CCDC85C: variants seen among roughly 807,000 people sequenced by gnomAD.
CCDC85C encodes the protein coiled-coil domain-containing protein 85C.
A neutral mutation model predicts 38.3 loss-of-function variants in CCDC85C; 18 were observed. The observed-to-expected ratio is 0.47, with a 90% CI of 0.33 to 0.70. The LOEUF (loss-of-function observed/expected upper bound fraction) is 0.70, where lower values mean the gene tolerates loss of function less well. Ranked by LOEUF, CCDC85C falls within the 30% of genes least tolerant of loss-of-function variation. The pLI, the probability that CCDC85C is intolerant of heterozygous loss-of-function variation, is 0.03. For synonymous variants in CCDC85C, 264 were observed against 293.8 expected (o/e 0.90, Z 1.04); for missense variants, 566 against 621.2 (o/e 0.91, Z 0.94).
intron 1 of CCDC85C, among the ~76,000 whole-genome samples, chr14:99,597,410 T>C (rs950355548): frequency 6.6e-6 from 1 of 152,094 alleles, no homozygotes; most frequent in East Asian, 1.9e-4. Context: ...GTGGGGCGTG[T>C]CTTAGAACCC....
In CCDC85C at chr14:99,501,603, C is replaced by T. The variant is rs1194526385; in HGVS notation, c.*13643G>A. 1 of 574,524 alleles carries T rather than the reference C, an allele frequency of 1.7e-6. No homozygotes were observed. Among genetic ancestry groups the T allele is most frequent in the Non-Finnish European group, 3.1e-6 (1 of 326,456 alleles). 35.6% of individuals were successfully genotyped at this position (574,524 alleles called of 1,614,324 possible). On this transcript the variant is annotated 3_prime_UTR_variant, in exon 6 of 6. Coordinates refer to ENST00000380243, the MANE Select transcript of CCDC85C (RefSeq NM_001144995.2). The stretch of plus-strand genomic sequence containing the variant: ...TCCCGGCAGAGGGTTTCCTTCTGCC[C>T]TGCCGTGTCATGGTGTTGTGAGGTG...
Position 99,603,465 on chromosome 14 carries a change from G to A in CCDC85C, c.495C>T (p.Ser165=). 1.6e-6 allele frequency: 2 copies of A among 1,284,392 alleles called. No homozygotes were observed. Among genetic ancestry groups the A allele is most frequent in the South Asian group, 2.6e-5 (1 of 38,216 alleles). The allele number at this position is 1,284,392 out of a possible 1,614,324, so 79.6% of individuals were successfully genotyped here. A position where few individuals can be genotyped will look rare whatever the true frequency, so the allele number is the denominator to read the frequency against. Residue 165 remains serine (S), a synonymous_variant, in exon 1 of 6, where the codon AGC becomes AGT. Coordinates refer to ENST00000380243, the MANE Select transcript of CCDC85C (RefSeq NM_001144995.2). This position sits in a 1 kb window ranked among gnomAD's most constrained non-coding sequence, Gnocchi z 7.5. The part of the protein sequence containing the change: ...RAALAATGAA[S]GGGGGGGGAG... ...CGCCGCCCCCGCCGCCGCCGCCACC[G>A]CTTGCGGCCCCCGTCGCCGCCAGTG...
chr14:99,532,482 A>G (rs1436781703), intron 2 of CCDC85C, among the ~76,000 whole-genome samples: 1 of 152,238 alleles, frequency 6.6e-6, no homozygotes, highest in African/African-American at 2.4e-5. Context: ...CCAGGGCCAC[A>G]TACATAGTAG....
At chr14:99,585,609 T>C (rs566205886) in intron 1 of CCDC85C, among the ~76,000 whole-genome samples, 27 of 152,346 alleles carry the variant, frequency 1.8e-4, no homozygotes, top group African/African-American at 6.5e-4. Flanking sequence ...CGCGTCTTGT[T>C]TGATCCTCAA....
At chr14:99,529,360 TTGTGTG>T (rs555477281) in intron 2 of CCDC85C, among the ~76,000 whole-genome samples, 4 of 151,268 alleles carry the variant, frequency 2.6e-5, no homozygotes, top group Non-Finnish European at 5.9e-5. Context: ...GTGTGCAGTT[TTGTGTG>T]TGTGTGTGTG....
rs1419909398 is a variant in CCDC85C, at chr14:99,569,763, G to A, written c.793+33404C>T. ...CATTTCAGGTGCAATGCTCCAAGGC[G>A]ACGCAGGGAGGGATCTAGACCCAGG... On this transcript the variant is annotated intron_variant, in intron 1 of 5. Transcript: ENST00000380243. The surrounding 1 kb of genome is among the most constrained non-coding windows in gnomAD (Gnocchi z 4.3). Among the ~76,000 whole-genome samples the A allele has an allele frequency of 1.3e-5, 2 of 152,144 alleles. No homozygotes were observed. Among genetic ancestry groups the A allele is most frequent in the South Asian group, 2.1e-4 (1 of 4,830 alleles).
In CCDC85C at chr14:99,555,893, G is replaced by A. The variant is rs566705052; in HGVS notation, c.794-19805C>T. 3.9e-5 allele frequency among the ~76,000 whole-genome samples: 6 copies of A among 152,326 alleles called. No homozygotes were observed. The South Asian group carries it at 1.0e-3, about 26-fold the overall frequency. ...TTCACACCCCAAGATGCACACCTCA[G>A]GTTCCCCTGATCAGACACACGTCCC... is the stretch of plus-strand genomic sequence containing the variant. On this transcript the variant is annotated intron_variant, in intron 1 of 5. Coordinates refer to ENST00000380243, the MANE Select transcript of CCDC85C (RefSeq NM_001144995.2).
At chr14:99,578,563 C>T (rs868082013) in intron 1 of CCDC85C, among the ~76,000 whole-genome samples, 1 of 152,178 alleles carries the variant, frequency 6.6e-6, no homozygotes, top group African/African-American at 2.4e-5. Context: ...ATGGCCTGTA[C>T]CTATGTCCCC....
At chr14:99,595,318 C>T (rs904144329) in intron 1 of CCDC85C, among the ~76,000 whole-genome samples, 5 of 152,154 alleles carry the variant, frequency 3.3e-5, no homozygotes, top group East Asian at 1.9e-4. Flanking sequence ...TGCAGTGGCG[C>T]GATGGCTCAC....
chr14:99,548,580 G>A lies in CCDC85C; in HGVS notation c.794-12492C>T, dbSNP rs1897849330. Among the ~76,000 whole-genome samples, 1 of 150,628 alleles carries A rather than the reference G, an allele frequency of 6.6e-6. No homozygotes were observed. Among genetic ancestry groups the A allele is most frequent in the African/African-American group, 2.4e-5 (1 of 40,916 alleles). ...AACACCAGCTGTACTAGTGAAAACT[G>A]TAAACCACCCAAATGCCCTCCCCAG... On this transcript the variant is annotated intron_variant, in intron 1 of 5. Transcript: ENST00000380243. This position sits in a 1 kb window ranked among gnomAD's most constrained non-coding sequence, Gnocchi z 4.9.
At position 99,603,728 on chromosome 14, in the gene CCDC85C, G is replaced by A; in HGVS notation, c.232C>T (p.Gln78Ter). 4 of 1,519,440 alleles carry A rather than the reference G, an allele frequency of 2.6e-6. No homozygotes were observed. The highest frequency in any genetic ancestry group is 3.5e-6 in the Non-Finnish European group (4 of 1,139,268). The allele number at this position is 1,519,440 out of a possible 1,614,324, so 94.1% of individuals were successfully genotyped here. The change falls in exon 1 of 6, where the codon CAG (glutamine) becomes TAG (stop). Residue 78 changes from glutamine (Q) to a stop codon, truncating the protein, a stop_gained. Coordinates refer to ENST00000380243, the MANE Select transcript of CCDC85C (RefSeq NM_001144995.2). LOFTEE classifies it high-confidence loss of function. This position sits in a 1 kb window ranked among gnomAD's most constrained non-coding sequence, Gnocchi z 7.5. Reference protein sequence around the residue: ...RGLKDVNQRLQDDNQELRELC... With the variant: ...RGLKDVNQRL ...TCGCGCAGCTCCTGGTTGTCGTCCTGCAGCCGCTGGTTCACGTCCTTGAGG... is the reference window on the plus strand; with the variant it reads ...TCGCGCAGCTCCTGGTTGTCGTCCTACAGCCGCTGGTTCACGTCCTTGAGG...
At chr14:99,519,279 C>CTTT (rs60431041) in intron 3 of CCDC85C, among the ~76,000 whole-genome samples, 2,343 of 122,804 alleles carry the variant, frequency 0.019, 59 homozygotes, top group Middle Eastern at 0.061. Context: ...CCATGCCCAG[C>CTTT]TTTTTTTTTT....
intron 1 of CCDC85C, among the ~76,000 whole-genome samples, chr14:99,552,378 G>T (rs1182437183): frequency 1.3e-5 from 2 of 152,224 alleles, no homozygotes; most frequent in Admixed American, 6.5e-5. Context: ...CCAGGCCCTT[G>T]CAGGGAGGGG....
rs747423527 is a variant in CCDC85C, at chr14:99,516,908, T to C, written c.1071+180A>G. ...GGATGGCAGACAGGTGACACACTTA[T>C]GACTGCCACCTCTGAGTTCAACCTC... On this transcript the variant is annotated intron_variant, in intron 4 of 5. Coordinates refer to ENST00000380243, the MANE Select transcript of CCDC85C (RefSeq NM_001144995.2). This position sits in a 1 kb window ranked among gnomAD's most constrained non-coding sequence, Gnocchi z 5.5. 3.7e-4 allele frequency among the ~76,000 whole-genome samples: 56 copies of C among 152,270 alleles called. No homozygotes were observed. Among genetic ancestry groups the C allele is most frequent in the African/African-American group, 1.3e-3 (54 of 41,534 alleles).
In CCDC85C at chr14:99,520,255, G is replaced by A. The variant is rs192387098; in HGVS notation, c.975+1878C>T. Among the ~76,000 whole-genome samples, 69 of 152,228 alleles carry A rather than the reference G, an allele frequency of 4.5e-4. No individual in the cohort carries two copies. Among genetic ancestry groups the A allele is most frequent in the African/African-American group, 1.6e-3 (65 of 41,540 alleles). On this transcript the variant is annotated intron_variant, in intron 3 of 5. Coordinates refer to ENST00000380243, the MANE Select transcript of CCDC85C (RefSeq NM_001144995.2). The surrounding 1 kb of genome is among the most constrained non-coding windows in gnomAD (Gnocchi z 4.1). ...TCTGAGCCCGGAGACGGCCCTCTCT[G>A]GATAACCCCCTCACTCTCCCCGGGG...
At chr14:99,577,067 G>A (rs80061479) in intron 1 of CCDC85C, among the ~76,000 whole-genome samples, 5,969 of 151,988 alleles carry the variant, frequency 0.039, 208 homozygotes, top group East Asian at 0.14. Flanking sequence ...ACATTGTTGC[G>A]GAACGGGGCT....
chr14:99,595,311 A>G (rs2055131637), intron 1 of CCDC85C, among the ~76,000 whole-genome samples: 1 of 152,186 alleles, frequency 6.6e-6, no homozygotes, highest in Admixed American at 6.5e-5. Context: ...GCTGGAGTGC[A>G]GTGGCGCGAT....
intron 1 of CCDC85C, among the ~76,000 whole-genome samples, chr14:99,570,815 A>G (rs1459622244): frequency 7.9e-5 from 12 of 152,144 alleles, no homozygotes; most frequent in African/African-American, 2.4e-5. Flanking sequence ...ACGGTGGGGC[A>G]TTAGCAGAAA....
rs1351715801 is a variant in CCDC85C, at chr14:99,533,995, C to A, written c.867+2020G>T. Among the ~76,000 whole-genome samples, 1 of 152,254 alleles carries A rather than the reference C, an allele frequency of 6.6e-6. No individual in the cohort carries two copies. Among genetic ancestry groups the A allele is most frequent in the African/African-American group, 2.4e-5 (1 of 41,470 alleles). On this transcript the variant is annotated intron_variant, in intron 2 of 5. Coordinates refer to ENST00000380243, the MANE Select transcript of CCDC85C (RefSeq NM_001144995.2). This position sits in a 1 kb window ranked among gnomAD's most constrained non-coding sequence, Gnocchi z 4.2. ...AGGGGCCAAGGGATCAGGGACACTC[C>A]TGTCCTTATGGAAACAGGACCATGA... is the stretch of plus-strand genomic sequence containing the variant.
Sources: allele counts gnomAD v4.1 joint callset (sites outside exome capture counted in the v4.1 genomes callset), GRCh38; gene constraint gnomAD v4.1.1; non-coding constraint Gnocchi (gnomAD v3.1); transcripts MANE v1.5; gene names NCBI Gene and HGNC (gene_info 2026-07-23, HGNC 2026-07-21).